Variants in AMOT observed in about 807,000 individuals in gnomAD.
The protein encoded by AMOT is angiomotin.
In AMOT, 11 loss-of-function variants were observed where a neutral mutation model predicts 67.0. That is an observed-to-expected ratio of 0.16 (90% CI 0.10 to 0.27). AMOT has a LOEUF of 0.27. Ranked by LOEUF, AMOT falls within the 10% of genes least tolerant of loss-of-function variation. The probability of loss-of-function intolerance (pLI) is 1.00; values close to 1 mark genes in which losing one functional copy is unlikely to be tolerated. For synonymous variants in AMOT, 326 were observed against 321.4 expected (o/e 1.01, Z -0.15); for missense variants, 753 against 852.0 (o/e 0.88, Z 1.45).
At chrX:112,783,276 C>G (rs1267084721) in intron 10 of AMOT, among the ~76,000 whole-genome samples, 1 of 94,044 alleles carries the variant, frequency 1.1e-5, no homozygotes, top group African/African-American at 4.1e-5. Flanking sequence ...GCCTAGGCAA[C>G]AGAGGGAGAC....
Position 112,777,052 on chromosome X carries a change from G to A in AMOT, c.*1515C>T, listed in dbSNP as rs901904026. The A allele has an allele frequency of 9.0e-6, 1 of 111,058 alleles. No individual in the cohort carries two copies. The highest frequency in any genetic ancestry group is 3.3e-5 in the African/African-American group (1 of 30,490). The allele number at this position is 111,058 out of a possible 1,213,427, so 9.2% of individuals were successfully genotyped here. A position where few individuals can be genotyped will look rare whatever the true frequency, so the allele number is the denominator to read the frequency against. ...GCTAAAGTTCTTTCCCACCACTATG[G>A]CTCATGATGTAATATATCAGGCCTA... On this transcript the variant is annotated 3_prime_UTR_variant, in exon 14 of 14. Transcript: ENST00000371959.
At chrX:112,828,158 C>G (rs1410470769) in intron 2 of AMOT, among the ~76,000 whole-genome samples, 1 of 110,102 alleles carries the variant, frequency 9.1e-6, no homozygotes, top group Non-Finnish European at 1.9e-5. Flanking sequence ...GTCTTGCAAC[C>G]CAAGATACCA....
chrX:112,824,587 C>T (rs761464527), intron 3 of AMOT, among the ~76,000 whole-genome samples: 3 of 111,280 alleles, frequency 2.7e-5, no homozygotes, highest in South Asian at 7.7e-4. Flanking sequence ...GTTACTGCTA[C>T]CTGGCTTCCA....
chrX:112,804,898 T>TGCCACCCC, intron 8 of AMOT, 49 bp downstream of exon 8: 1 of 837,587 alleles, frequency 1.2e-6, no homozygotes. Flanking sequence ...GTCCCCGATT[T>TGCCACCCC]CCCAGCCCTC....
Position 112,790,517 on chromosome X carries a change from T to C in AMOT, c.2117+75A>G, listed in dbSNP as rs929231768. On this transcript the variant is annotated intron_variant, in intron 10 of 13. Transcript: ENST00000371959. ...GGGAAACCCAGAATATTAAAGAAAA[T>C]AAAACACTGGAAAAATCTATGAATC... is the stretch of plus-strand genomic sequence containing the variant. 4.6e-5 allele frequency: 49 copies of C among 1,057,800 alleles called. No individual in the cohort carries two copies. The African/African-American group carries it at 9.0e-4, about 19-fold the overall frequency. The allele number at this position is 1,057,800 out of a possible 1,213,427, so 87.2% of individuals were successfully genotyped here.
chrX:112,824,753 T>C, intron 3 of AMOT, among the ~76,000 whole-genome samples: 1 of 111,409 alleles, frequency 9.0e-6, no homozygotes, highest in South Asian at 3.8e-4. Flanking sequence ...AACTGTCAAA[T>C]TGGGATATTC....
chrX:112,839,141 T>C (rs1166733754), intron 1 of AMOT, among the ~76,000 whole-genome samples: 1 of 112,575 alleles, frequency 8.9e-6, no homozygotes, highest in Non-Finnish European at 1.9e-5. Flanking sequence ...TAATAATGTG[T>C]TCCCAAATAA....
At chrX:112,836,391 A>G (rs750119454) in intron 1 of AMOT, among the ~76,000 whole-genome samples, 1 of 112,234 alleles carries the variant, frequency 8.9e-6, no homozygotes, top group East Asian at 2.8e-4. Flanking sequence ...TATTATATCC[A>G]TTAGCCTCTC....
At chrX:112,802,414 A>T (rs540853281) in intron 8 of AMOT, among the ~76,000 whole-genome samples, 1 of 112,669 alleles carries the variant, frequency 8.9e-6, no homozygotes, top group South Asian at 3.7e-4. Context: ...TGCTAAAACA[A>T]AAAGGGAAAT....
intron 7 of AMOT, among the ~76,000 whole-genome samples, chrX:112,805,985 T>C (rs1934168233): frequency 9.0e-6 from 1 of 111,417 alleles, no homozygotes. Context: ...TAATCCAATA[T>C]GGCTGGGCAC....
chrX:112,778,605 G>T lies in AMOT; in HGVS notation c.3217C>A (p.Gln1073Lys), dbSNP rs1453552604. ...ERKTPIQILG[Q>K]EPDAEMVEYL... ...TCCACCATCTCTGCATCAGGCTCTT[G>T]TCCCAGGATCTGAATGGGAGTTTTT... The change falls in exon 14 of 14, where the codon CAA becomes AAA. Residue 1073 changes from glutamine (Q) to lysine (K), a missense_variant. Coordinates refer to ENST00000371959, the MANE Select transcript of AMOT (RefSeq NM_001113490.2). 8.3e-7 allele frequency: 1 copy of T among 1,209,179 alleles called. No individual in the cohort carries two copies. Among genetic ancestry groups the T allele is most frequent in the South Asian group, 1.8e-5 (1 of 56,369 alleles).
At chrX:112,829,892 A>C (rs1205969095) in intron 2 of AMOT, among the ~76,000 whole-genome samples, 2 of 112,034 alleles carry the variant, frequency 1.8e-5, no homozygotes, top group African/African-American at 6.5e-5. Flanking sequence ...CATCCATTCC[A>C]AAAGAGGAGT....
At chrX:112,789,443 C>T (rs1933492789) in intron 10 of AMOT, among the ~76,000 whole-genome samples, 1 of 110,458 alleles carries the variant, frequency 9.1e-6, no homozygotes, top group African/African-American at 3.3e-5. Context: ...CAGGCAGCTT[C>T]CATCCATTTG....
chrX:112,790,536 A>T, intron 10 of AMOT, 56 bp downstream of exon 10: 1 of 1,087,030 alleles, frequency 9.2e-7, no homozygotes, highest in Admixed American at 2.9e-5. Context: ...GGAAAAATCT[A>T]TGAATCAGTG....
intron 13 of AMOT, 88 bp from the exon 14 acceptor site, chrX:112,778,752 G>A (rs1933004896): frequency 1.1e-6 from 1 of 880,782 alleles, no homozygotes; most frequent in Non-Finnish European, 1.6e-6. Flanking sequence ...CCCTCATGAA[G>A]CCAATGGCAA....
At chrX:112,797,941 A>G (rs1198428530) in intron 8 of AMOT, among the ~76,000 whole-genome samples, 1 of 111,689 alleles carries the variant, frequency 9.0e-6, no homozygotes, top group African/African-American at 3.3e-5. Flanking sequence ...CTCTTAAACT[A>G]CTGCTAGCAC....
At chrX:112,786,421 T>G (rs1334647472) in intron 10 of AMOT, among the ~76,000 whole-genome samples, 1 of 112,148 alleles carries the variant, frequency 8.9e-6, no homozygotes, top group Non-Finnish European at 1.9e-5. Context: ...AGAAATAAAT[T>G]CATTGTTTAT....
intron 1 of AMOT, among the ~76,000 whole-genome samples, chrX:112,834,562 G>A (rs1046761937): frequency 1.8e-5 from 2 of 111,516 alleles, no homozygotes; most frequent in Non-Finnish European, 3.8e-5. Flanking sequence ...TCTTTTGGGG[G>A]TATTTAAGTT....
intron 8 of AMOT, among the ~76,000 whole-genome samples, chrX:112,804,274 C>T (rs940153714): frequency 7.2e-5 from 8 of 111,479 alleles, no homozygotes; most frequent in Non-Finnish European, 1.5e-4. Flanking sequence ...AACCACAGCA[C>T]AGCTTTTGGC....
Sources: allele counts gnomAD v4.1 joint callset (sites outside exome capture counted in the v4.1 genomes callset), GRCh38; gene constraint gnomAD v4.1.1; transcripts MANE v1.5; gene names NCBI Gene and HGNC (gene_info 2026-07-23, HGNC 2026-07-21).